Variants in ARHGAP32 observed in about 807,000 individuals in gnomAD.
ARHGAP32 encodes rho GTPase-activating protein 32.
Under a neutral mutation model 186.5 loss-of-function variants are expected in ARHGAP32, and 51 were observed. The ratio of observed to expected loss-of-function variants is 0.27; its 90% CI spans 0.22 to 0.35. The LOEUF (loss-of-function observed/expected upper bound fraction) is 0.35, where lower values mean the gene tolerates loss of function less well. Ranked by LOEUF, ARHGAP32 falls within the 10% of genes least tolerant of loss-of-function variation. The probability of loss-of-function intolerance (pLI) is 1.00; values close to 1 mark genes in which losing one functional copy is unlikely to be tolerated. For missense variants in ARHGAP32, 2,186 were observed against 2,623.5 expected, an observed-to-expected ratio of 0.83 and a Z score of 3.64; for synonymous variants, 950 against 964.3, an observed-to-expected ratio of 0.99 and a Z score of 0.27.
chr11:129,110,679 T>C (rs1565427236), intron 5 of ARHGAP32, among the ~76,000 whole-genome samples: 1 of 152,138 alleles, frequency 6.6e-6, no homozygotes, highest in African/African-American at 2.4e-5. Flanking sequence ...TATTCCTAGG[T>C]TTTTTGTTTA....
chr11:129,257,705 CAAA>C (rs5795663), intron 1 of ARHGAP32, among the ~76,000 whole-genome samples: 2 of 86,232 alleles, frequency 2.3e-5, no homozygotes, highest in African/African-American at 1.0e-4. Flanking sequence ...AATAATTAAC[CAAA>C]AAAAAAAAAA....
At chr11:129,164,455 A>G (rs762165978) in intron 1 of ARHGAP32, 28 bp from the exon 2 acceptor site, 2 of 1,310,372 alleles carry the variant, frequency 1.5e-6, no homozygotes, top group Non-Finnish European at 2.1e-6. Flanking sequence ...AAAGATTCTG[A>G]TAAGAATTTC....
chr11:129,019,854 C>A (rs971965439), intron 11 of ARHGAP32, among the ~76,000 whole-genome samples: 1 of 152,054 alleles, frequency 6.6e-6, no homozygotes, highest in African/African-American at 2.4e-5. Flanking sequence ...ATCATGACAT[C>A]ATTGGCTAAG....
intron 1 of ARHGAP32, among the ~76,000 whole-genome samples, chr11:129,169,726 T>C (rs1207554262): frequency 1.3e-5 from 2 of 151,662 alleles, no homozygotes; most frequent in African/African-American, 4.8e-5. Context: ...ACAAATCCTC[T>C]GAGGAACCCA....
At chr11:129,131,194 C>A (rs905033845) in intron 2 of ARHGAP32, among the ~76,000 whole-genome samples, 2 of 151,830 alleles carry the variant, frequency 1.3e-5, no homozygotes, top group East Asian at 1.9e-4. Flanking sequence ...TTACCAAGAA[C>A]TGTTTTATAT....
intron 1 of ARHGAP32, among the ~76,000 whole-genome samples, chr11:129,178,658 T>C (rs1943977057): frequency 6.6e-6 from 1 of 152,138 alleles, no homozygotes; most frequent in South Asian, 2.1e-4. Context: ...AACTATCTGA[T>C]CTTTGACAAA....
intron 1 of ARHGAP32, among the ~76,000 whole-genome samples, chr11:129,261,897 C>A (rs1945324878): frequency 6.6e-6 from 1 of 152,098 alleles, no homozygotes; most frequent in Non-Finnish European, 1.5e-5. Flanking sequence ...CCCTTTGTTG[C>A]TGTAACAAGA....
At chr11:129,151,034 G>C (rs746500916) in intron 2 of ARHGAP32, among the ~76,000 whole-genome samples, 7 of 151,562 alleles carry the variant, frequency 4.6e-5, no homozygotes, top group Non-Finnish European at 7.4e-5. Flanking sequence ...GGTGGGAAAA[G>C]ATATTCCACA....
chr11:129,041,353 A>G (rs1939584334), intron 10 of ARHGAP32, among the ~76,000 whole-genome samples: 1 of 152,148 alleles, frequency 6.6e-6, no homozygotes, highest in Admixed American at 6.5e-5. Flanking sequence ...AATGCGCTTT[A>G]CTGAAATCTC....
chr11:129,131,693 T>A (rs1942814529), intron 2 of ARHGAP32, among the ~76,000 whole-genome samples: 1 of 152,130 alleles, frequency 6.6e-6, no homozygotes, highest in Admixed American at 6.5e-5. Flanking sequence ...TTGGGAATTA[T>A]AATTTGACAT....
intron 19 of ARHGAP32, 147 bp from the exon 20 acceptor site, chr11:128,976,781 T>C: frequency 1.5e-6 from 1 of 663,298 alleles, no homozygotes; most frequent in Non-Finnish European, 2.7e-6. Flanking sequence ...TTACATAATG[T>C]GTTATACTGC....
At chr11:129,014,097 A>C (rs1159558416) in intron 11 of ARHGAP32, among the ~76,000 whole-genome samples, 1 of 152,228 alleles carries the variant, frequency 6.6e-6, no homozygotes, top group African/African-American at 2.4e-5. Context: ...TTTGTATTCA[A>C]ATTTCCTACT....
intron 6 of ARHGAP32, among the ~76,000 whole-genome samples, chr11:129,077,312 C>G (rs577467609): frequency 2.6e-5 from 4 of 152,092 alleles, no homozygotes; most frequent in Non-Finnish European, 5.9e-5. Context: ...ACAGGAAGCA[C>G]AGATAGGAGT....
intron 1 of ARHGAP32, among the ~76,000 whole-genome samples, chr11:129,244,783 G>A (rs1248912987): frequency 3.4e-3 from 506 of 147,530 alleles, no homozygotes; most frequent in South Asian, 0.032. Context: ...CAAAAAGTGG[G>A]CAAAGGACAT....
At chr11:129,061,375 C>G (rs1334138268) in intron 10 of ARHGAP32, among the ~76,000 whole-genome samples, 1 of 152,108 alleles carries the variant, frequency 6.6e-6, no homozygotes, top group Non-Finnish European at 1.5e-5. Flanking sequence ...AAATATGTTC[C>G]AAGACCACTC....
chr11:129,279,462 G>C (rs1408680271), upstream of ARHGAP32: 2 of 145,332 alleles, frequency 1.4e-5, no homozygotes, highest in South Asian at 4.0e-4. Context: ...CCCCGGGGAC[G>C]CGGGTCCTCG....
chr11:129,270,535 A>C (rs1945460794), intron 1 of ARHGAP32, among the ~76,000 whole-genome samples: 1 of 151,642 alleles, frequency 6.6e-6, no homozygotes, highest in East Asian at 1.9e-4. Flanking sequence ...GGGAAAAATG[A>C]GTGAATCCTA....
intron 1 of ARHGAP32, among the ~76,000 whole-genome samples, chr11:129,168,445 A>T (rs919563678): frequency 2.0e-5 from 3 of 152,228 alleles, no homozygotes; most frequent in Non-Finnish European, 4.4e-5. Flanking sequence ...TCATAAAAGC[A>T]TCAAATTAAC....
intron 1 of ARHGAP32, among the ~76,000 whole-genome samples, chr11:129,185,706 T>C (rs1944146405): frequency 6.6e-6 from 1 of 152,160 alleles, no homozygotes; most frequent in Non-Finnish European, 1.5e-5. Flanking sequence ...AAGTCTCATC[T>C]AGAAGTATGA....
Sources: gnomAD v4.1 joint callset for allele counts (sites outside exome capture counted in the v4.1 genomes callset) on GRCh38, gnomAD v4.1.1 for gene constraint, MANE v1.5 for transcripts, NCBI Gene and HGNC (gene_info 2026-07-23, HGNC 2026-07-21) for gene names.